Variants in BPIFB6 observed in about 807,000 individuals in gnomAD.
The protein encoded by BPIFB6 is BPI fold-containing family B member 6.
BPIFB6 carries 47 observed loss-of-function variants against 54.7 expected under a neutral mutation model. The ratio of observed to expected loss-of-function variants is 0.86; its 90% CI spans 0.68 to 1.10. The LOEUF (loss-of-function observed/expected upper bound fraction) is 1.10. Among genes scored for constraint, BPIFB6 ranks in the 50% least tolerant of loss-of-function variants. The pLI, the probability that BPIFB6 is intolerant of heterozygous loss-of-function variation, is 0.00. For missense variants in BPIFB6, 603 were observed against 564.1 expected (o/e 1.07, Z -0.70); for synonymous variants, 255 against 225.9 (o/e 1.13, Z -1.16).
At chr20:33,044,082 C>T (rs766312250), downstream of BPIFB6, 2 of 1,613,314 alleles carry the variant, frequency 1.2e-6, no homozygotes, top group Non-Finnish European at 1.7e-6. Flanking sequence ...TGCCTGCTTA[C>T]CACCAACCAC....
chr20:33,036,386 C>T, intron 6 of BPIFB6, 59 bp from the exon 7 acceptor site: 1 of 1,454,768 alleles, frequency 6.9e-7, no homozygotes, highest in Admixed American at 2.1e-5. Context: ...CTGGTGCCAG[C>T]TTCTCTGGGC....
At position 33,035,085 on chromosome 20, in the gene BPIFB6, C is replaced by T. The variant is rs376978876; in HGVS notation, c.457C>T (p.Leu153Phe). Residue 153 changes from leucine (L) to phenylalanine (F), a missense_variant, in exon 5 of 15, where the codon CTC becomes TTC. Transcript: ENST00000349552. Reference protein sequence around the residue: ...NVKTNLPSNMLPKMVNKFLDS... With the variant: ...NVKTNLPSNMFPKMVNKFLDS... ...TCGGTGCCTGTGTCCATCTAGCATG[C>T]TCCCCAAGATGGTCAACAAGTTCCT... 22 of 1,613,908 alleles carry T rather than the reference C, an allele frequency of 1.4e-5. No individual in the cohort carries two copies. The African/African-American group carries it at 2.7e-4, about 20-fold the overall frequency.
At position 33,039,477 on chromosome 20, in the gene BPIFB6, G is replaced by C. The variant is rs753717166; in HGVS notation, c.1031G>C (p.Arg344Pro). The change falls in exon 10 of 15, where the codon CGG becomes CCG. Residue 344 changes from arginine (R) to proline (P), a missense_variant. By Grantham distance (103) the Arg-to-Pro change is moderately radical. Transcript: ENST00000349552. Reference protein sequence around the residue: ...LHSTLEMFAARWRSKAPMSLF... With the variant: ...LHSTLEMFAAPWRSKAPMSLF... The stretch of plus-strand genomic sequence containing the variant: ...AGCACCCTGGAGATGTTCGCAGCTC[G>C]GTGGCGGAGCAAGGCTCCAATGTCC... 8 of 1,613,812 alleles carry C rather than the reference G, an allele frequency of 5.0e-6. No individual in the cohort carries two copies. The highest frequency in any genetic ancestry group is 2.2e-5 in the East Asian group (1 of 44,882).
chr20:33,038,763 A>G (rs984876267), intron 8 of BPIFB6, 146 bp from the exon 9 acceptor site: 108 of 786,822 alleles, frequency 1.4e-4, no homozygotes, highest in Admixed American at 3.6e-4. Context: ...GCTGCCCAGA[A>G]GGCACAATAT....
intron 11 of BPIFB6, 149 bp downstream of exon 11, chr20:33,040,467 A>G: frequency 1.4e-6 from 1 of 704,072 alleles, no homozygotes; most frequent in South Asian, 1.6e-5. Flanking sequence ...AGAACCCTCA[A>G]TGGCTCCTCA....
rs1157926273 is a variant in BPIFB6, at chr20:33,033,067, A to G, written c.181A>G (p.Ile61Val). 1 of 1,613,484 alleles carries G rather than the reference A, an allele frequency of 6.2e-7. No homozygotes were observed. The highest frequency in any genetic ancestry group is 8.5e-7 in the Non-Finnish European group (1 of 1,179,590). Residue 61 changes from isoleucine (I) to valine (V), a missense_variant, in exon 2 of 15, where the codon ATC becomes GTC. Transcript: ENST00000349552. ...AGKKQPGMKP[I>V]KGITNLKVKD... ...CAAGAAACAGCCAGGGATGAAACCT[A>G]TCAAGGGCATCACCAAGTGAGTAGG... is the stretch of plus-strand genomic sequence containing the variant.
At chr20:33,039,021 C>A (rs1979463514) in intron 9 of BPIFB6, 59 bp downstream of exon 9, 2 of 1,571,774 alleles carry the variant, frequency 1.3e-6, no homozygotes, top group East Asian at 2.3e-5. Flanking sequence ...GTCCTCCAGT[C>A]TGTCCTGCAG....
intron 11 of BPIFB6, among the ~76,000 whole-genome samples, chr20:33,041,067 G>C (rs1003320821): frequency 6.2e-5 from 9 of 145,932 alleles, no homozygotes; most frequent in Non-Finnish European, 1.2e-4. Context: ...TCGGCTCACT[G>C]CAAGCTCCGC....
chr20:33,035,047 T>A (rs745809089), intron 4 of BPIFB6, 34 bp from the exon 5 acceptor site: 1 of 1,612,564 alleles, frequency 6.2e-7, no homozygotes, highest in Non-Finnish European at 8.5e-7. Flanking sequence ...CTGGTGCACC[T>A]GCCCACCTAT....
intron 12 of BPIFB6, among the ~76,000 whole-genome samples, 198 bp from the exon 13 acceptor site, chr20:33,042,617 T>A (rs56205577): frequency 0.027 from 4,061 of 152,268 alleles, 174 homozygotes; most frequent in African/African-American, 0.093. Context: ...TCATAGGTAC[T>A]AAGCAGAGGT....
chr20:33,037,828 C>A lies in BPIFB6; in HGVS notation c.846+90C>A, dbSNP rs967275331. The A allele has an allele frequency of 4.9e-6, 7 of 1,440,194 alleles. No individual in the cohort carries two copies. In the African/African-American group the frequency reaches 9.9e-5, roughly 20 times the overall value. 89.2% of individuals were successfully genotyped at this position (1,440,194 alleles called of 1,614,324 possible). ...TTTCTATCATGAAAATTATCCTGGC[C>A]TTGTGGGCAACACTAGGACTGGAAG... On this transcript the variant is annotated intron_variant, in intron 8 of 14. Coordinates refer to ENST00000349552, the MANE Select transcript of BPIFB6 (RefSeq NM_174897.2).
chr20:33,040,385 C>T (rs926866810), intron 11 of BPIFB6, 67 bp downstream of exon 11: 45 of 1,449,138 alleles, frequency 3.1e-5, no homozygotes, highest in African/African-American at 5.6e-5. Context: ...ATCTAGCACA[C>T]CCCACACTAC....
rs768218150 is a variant in BPIFB6 at position 33,038,914 on chromosome 20, T to A, written c.852T>A (p.Gly284=). 6.2e-7 allele frequency: 1 copy of A among 1,613,996 alleles called. No homozygotes were observed. The highest frequency in any genetic ancestry group is 8.5e-7 in the Non-Finnish European group (1 of 1,179,926). Residue 284 remains glycine (G), a synonymous_variant, in exon 9 of 15, where the codon GGT becomes GGA. Coordinates refer to ENST00000349552, the MANE Select transcript of BPIFB6 (RefSeq NM_174897.2). ...CCTTGACTTTTATTCTGTAGATTGG[T>A]GAGCTGCCCCCACAAACCACCAAGA... ...FHVNIQDTMI[G]ELPPQTTKTL...
chr20:33,042,967 A>G, intron 13 of BPIFB6, 89 bp downstream of exon 13: 1 of 1,231,078 alleles, frequency 8.1e-7, no homozygotes, highest in Admixed American at 1.9e-5. Flanking sequence ...AAGCCCTATC[A>G]CTGGGCCCAG....
At position 33,034,822 on chromosome 20, in the gene BPIFB6, T is replaced by G. The variant is rs772272528; in HGVS notation, c.362T>G (p.Leu121Arg). The G allele has an allele frequency of 1.9e-6, 3 of 1,613,876 alleles. No individual in the cohort carries two copies. In the Admixed American group the frequency reaches 5.0e-5, roughly 27 times the overall value. ...VALNITATNR[L>R]LRDEETGLPV... is the part of the protein sequence containing the mutation. ...CTGAACATCACAGCCACCAACCGGC[T>G]TCTGCGGGATGAGGAGACAGGCCTC... is the stretch of plus-strand genomic sequence containing the variant. Residue 121 changes from leucine (L) to arginine (R), a missense_variant, in exon 4 of 15, where the codon CTT becomes CGT. Leu to Arg is a moderately radical substitution (Grantham distance 102). Coordinates refer to ENST00000349552, the MANE Select transcript of BPIFB6 (RefSeq NM_174897.2).
Position 33,034,795 on chromosome 20 carries a change from C to A in BPIFB6, c.335C>A (p.Ala112Asp). Reference protein sequence around the residue: ...FMGGNMEIIVALNITATNRLL... With the variant: ...FMGGNMEIIVDLNITATNRLL... ...GGAGGGAACATGGAGATCATCGTGG[C>A]CCTGAACATCACAGCCACCAACCGG... Residue 112 changes from alanine (A) to aspartate (D), a missense_variant, in exon 4 of 15, where the codon GCC becomes GAC. Transcript: ENST00000349552. 6.2e-7 allele frequency: 1 copy of A among 1,613,428 alleles called. No individual in the cohort carries two copies. The highest frequency in any genetic ancestry group is 1.1e-5 in the South Asian group (1 of 91,018).
At chr20:33,032,839 C>T (rs1600522334) in intron 1 of BPIFB6, 145 bp from the exon 2 acceptor site, 2 of 617,578 alleles carry the variant, frequency 3.2e-6, no homozygotes, top group African/African-American at 3.7e-5. Flanking sequence ...TCCATCTTCC[C>T]CCATTAGGCT....
chr20:33,040,391 A>G (rs1384210983), intron 11 of BPIFB6, 73 bp downstream of exon 11: 1 of 1,423,508 alleles, frequency 7.0e-7, no homozygotes, highest in Admixed American at 1.8e-5. Flanking sequence ...CACACCCCAC[A>G]CTACCGAGCT....
At chr20:33,034,652 G>A (rs1368684356) in intron 3 of BPIFB6, 111 bp from the exon 4 acceptor site, 1 of 1,249,244 alleles carries the variant, frequency 8.0e-7, no homozygotes, top group East Asian at 2.3e-5. Context: ...TGTAGGGGTG[G>A]TCTCCTACCC....
Sources: gnomAD v4.1 joint callset for allele counts (sites outside exome capture counted in the v4.1 genomes callset) on GRCh38, gnomAD v4.1.1 for gene constraint, MANE v1.5 for transcripts, NCBI Gene and HGNC (gene_info 2026-07-23, HGNC 2026-07-21) for gene names.